ABL2: variants seen among roughly 807,000 people sequenced by gnomAD.
ABL2 encodes tyrosine-protein kinase ABL2.
ABL2 carries 49 observed loss-of-function variants against 107.7 expected under a neutral mutation model. The ratio of observed to expected loss-of-function variants is 0.45; its 90% CI spans 0.36 to 0.58. ABL2 has a LOEUF of 0.58. ABL2 is among the 20% of genes least tolerant of loss of function. The probability of loss-of-function intolerance (pLI) is 0.00; values close to 1 mark genes in which losing one functional copy is unlikely to be tolerated. For synonymous variants in ABL2, 549 were observed against 548.6 expected (o/e 1.00, Z -0.01); for missense variants, 1,245 against 1,457.0 (o/e 0.85, Z 2.37).
intron 1 of ABL2, among the ~76,000 whole-genome samples, chr1:179,199,495 T>G (rs1281275089): frequency 1.3e-5 from 2 of 152,156 alleles, no homozygotes; most frequent in African/African-American, 4.8e-5. Flanking sequence ...TTTCTCCCCC[T>G]TTAAACTTCT....
At chr1:179,115,302 T>C (rs1366342426) in intron 8 of ABL2, among the ~76,000 whole-genome samples, 1 of 152,222 alleles carries the variant, frequency 6.6e-6, no homozygotes, top group African/African-American at 2.4e-5. Flanking sequence ...AAATAAACTA[T>C]GACCATTTAA....
chr1:179,105,135 A>C lies in ABL2; in HGVS notation c.*2583T>G. ...GTTGACAAAAATCAATTCCATTTAT[A>C]TATCGTGCACCCACTGTAGGCAAGA... On this transcript the variant is annotated 3_prime_UTR_variant, in exon 12 of 12. Coordinates refer to ENST00000502732, the MANE Select transcript of ABL2 (RefSeq NM_007314.4). 4.3e-6 allele frequency: 1 copy of C among 230,104 alleles called. No homozygotes were observed. 14.3% of individuals were successfully genotyped at this position (230,104 alleles called of 1,614,324 possible). A position where few individuals can be genotyped will look rare whatever the true frequency, so the allele number is the denominator to read the frequency against.
rs558360715 is a variant in ABL2, at chr1:179,124,102, G to A, written c.688-2235C>T. On this transcript the variant is annotated intron_variant, in intron 4 of 11. Transcript: ENST00000502732. ...TAAAAATACAAAAAATTAGCCGGGCGTGGTGGTGGGCGCCTGTAGTCCCAG... is the reference window on the plus strand; with the variant it reads ...TAAAAATACAAAAAATTAGCCGGGCATGGTGGTGGGCGCCTGTAGTCCCAG... Among the ~76,000 whole-genome samples, 27 of 152,012 alleles carry A rather than the reference G, an allele frequency of 1.8e-4. 1 individual carries two copies. In the East Asian group the frequency reaches 5.3e-3, roughly 30 times the overall value.
At chr1:179,188,964 T>G (rs996300333) in intron 1 of ABL2, among the ~76,000 whole-genome samples, 1 of 152,218 alleles carries the variant, frequency 6.6e-6, no homozygotes, top group South Asian at 2.1e-4. Flanking sequence ...TTGAACTATA[T>G]TAACGAGTTA....
At chr1:179,135,191 A>G (rs2102680319) in intron 1 of ABL2, among the ~76,000 whole-genome samples, 1 of 142,892 alleles carries the variant, frequency 7.0e-6, no homozygotes, top group East Asian at 2.2e-4. Flanking sequence ...CTGGCCGCCC[A>G]TCGTCTGGGA....
chr1:179,221,697 G>T, intron 1 of ABL2: 1 of 228,814 alleles, frequency 4.4e-6, no homozygotes, highest in South Asian at 1.0e-4. Flanking sequence ...CATCAATACT[G>T]GCAATTTAGT....
At chr1:179,181,946 ATTTTTTTTTTT>A (rs34828452) in intron 1 of ABL2, among the ~76,000 whole-genome samples, 1,192 of 91,226 alleles carry the variant, frequency 0.013, 20 homozygotes, top group African/African-American at 0.048. Flanking sequence ...AGGCCCGGCT[ATTTTTTTTTTT>A]TTTTTTTTTT....
intron 1 of ABL2, among the ~76,000 whole-genome samples, chr1:179,195,606 T>C (rs751828662): frequency 6.6e-5 from 10 of 152,072 alleles, no homozygotes; most frequent in Non-Finnish European, 1.2e-4. Context: ...TTAGTCACAA[T>C]AGCCAAAAAG....
Position 179,100,494 on chromosome 1 carries a change from A to G in ABL2, c.*7224T>C, listed in dbSNP as rs1653011889. 1 of 228,476 alleles carries G rather than the reference A, an allele frequency of 4.4e-6. No homozygotes were observed. The highest frequency in any genetic ancestry group is 1.8e-4 in the South Asian group (1 of 5,494). The allele number at this position is 228,476 out of a possible 1,614,324, so 14.2% of individuals were successfully genotyped here. ...ACATATATGTGAAAATTTAAGTCCC[A>G]TTCTCCAACTAAAGTTTATGGTGCC... On this transcript the variant is annotated 3_prime_UTR_variant, in exon 12 of 12. Coordinates refer to ENST00000502732, the MANE Select transcript of ABL2 (RefSeq NM_007314.4).
Position 179,117,435 on chromosome 1 carries a change from A to T in ABL2, c.1305T>A (p.Thr435=). Residue 435 remains threonine (T), a synonymous_variant, in exon 8 of 12, where the codon ACT becomes ACA. Transcript: ENST00000502732. ...VADFGLSRLM[T]GDTYTAHAGA... Reference sequence around the variant, plus strand: ...CAGCATGAGCAGTATAAGTGTCTCCAGTCATCAATCTACTTAAGCCAAAGT... The same window carrying T: ...CAGCATGAGCAGTATAAGTGTCTCCTGTCATCAATCTACTTAAGCCAAAGT... 1 of 1,614,208 alleles carries T rather than the reference A, an allele frequency of 6.2e-7. No homozygotes were observed. The highest frequency in any genetic ancestry group is 8.5e-7 in the Non-Finnish European group (1 of 1,180,034).
intron 1 of ABL2, among the ~76,000 whole-genome samples, chr1:179,168,484 T>G (rs1339328243): frequency 1.3e-5 from 2 of 152,184 alleles, no homozygotes; most frequent in African/African-American, 2.4e-5. Context: ...CCTGGAGATG[T>G]GAAGGACTGA....
chr1:179,174,518 T>C (rs942628143), intron 1 of ABL2, among the ~76,000 whole-genome samples: 5 of 149,924 alleles, frequency 3.3e-5, no homozygotes, highest in African/African-American at 1.2e-4. Context: ...GCTAATACTT[T>C]GAAATATATA....
Position 179,141,081 on chromosome 1 carries a change from A to G in ABL2, c.158-7707T>C, listed in dbSNP as rs1039769969. On this transcript the variant is annotated intron_variant, in intron 1 of 11. Coordinates refer to ENST00000502732, the MANE Select transcript of ABL2 (RefSeq NM_007314.4). The stretch of plus-strand genomic sequence containing the variant: ...CAGTGAACTGAGATCAGACTGCTGC[A>G]CTCCAACTTGGGTGACAAAGCAAGA... Among the ~76,000 whole-genome samples the G allele has an allele frequency of 2.0e-5, 3 of 146,814 alleles. No individual in the cohort carries two copies. In the East Asian group the frequency reaches 5.9e-4, roughly 29 times the overall value.
chr1:179,132,599 G>A lies in ABL2; in HGVS notation c.220+713C>T, dbSNP rs28914512. Among the ~76,000 whole-genome samples the A allele has an allele frequency of 7.9e-3, 1,176 of 149,056 alleles. 55 individuals are homozygous for A. The highest frequency in any genetic ancestry group is 0.064 in the Admixed American group (956 of 14,986). Reference sequence around the variant, plus strand: ...GTTGCCCAGGCTGGAGTGCAATGGCGTGATCTCGGCTTACTGAAACCTCTG... The same window carrying A: ...GTTGCCCAGGCTGGAGTGCAATGGCATGATCTCGGCTTACTGAAACCTCTG... On this transcript the variant is annotated intron_variant, in intron 2 of 11. Coordinates refer to ENST00000502732, the MANE Select transcript of ABL2 (RefSeq NM_007314.4).
In ABL2 at chr1:179,121,493, G is replaced by A. The variant is rs968905852; in HGVS notation, c.960+102C>T. On this transcript the variant is annotated intron_variant, in intron 5 of 11. Coordinates refer to ENST00000502732, the MANE Select transcript of ABL2 (RefSeq NM_007314.4). The stretch of plus-strand genomic sequence containing the variant: ...TTTGCTGATGTGCTTGGCACTAGTG[G>A]GTGGAAAGTGTTCCAAAGTTAAAGA... 4.9e-6 allele frequency: 7 copies of A among 1,442,842 alleles called. No homozygotes were observed. In the African/African-American group the frequency reaches 5.6e-5, roughly 12 times the overall value. The allele number at this position is 1,442,842 out of a possible 1,614,324, so 89.4% of individuals were successfully genotyped here.
chr1:179,125,820 A>G (rs1035362731), intron 4 of ABL2, among the ~76,000 whole-genome samples: 7 of 152,218 alleles, frequency 4.6e-5, no homozygotes, highest in African/African-American at 1.7e-4. Context: ...TGCTCAACAG[A>G]TAACCAACGG....
At chr1:179,145,693 C>T (rs922274590) in intron 1 of ABL2, among the ~76,000 whole-genome samples, 3 of 152,062 alleles carry the variant, frequency 2.0e-5, no homozygotes, top group African/African-American at 7.3e-5. Context: ...AATGCAAAAA[C>T]TCTGAGGTAG....
intron 1 of ABL2, among the ~76,000 whole-genome samples, chr1:179,223,564 C>T (rs1410289688): frequency 1.3e-5 from 2 of 152,054 alleles, no homozygotes; most frequent in Non-Finnish European, 2.9e-5. Context: ...CAACTTATTA[C>T]TTTGCTAAAA....
chr1:179,216,977 C>T (rs539126472), intron 1 of ABL2, among the ~76,000 whole-genome samples: 4 of 151,994 alleles, frequency 2.6e-5, no homozygotes, highest in Admixed American at 1.3e-4. Context: ...CCACCTCACC[C>T]GGCCAGTTAC....
Sources: allele counts gnomAD v4.1 joint callset (sites outside exome capture counted in the v4.1 genomes callset), GRCh38; gene constraint gnomAD v4.1.1; transcripts MANE v1.5; gene names NCBI Gene and HGNC (gene_info 2026-07-23, HGNC 2026-07-21).